CCDC88C: variants seen among roughly 807,000 people sequenced by gnomAD.
CCDC88C encodes coiled-coil and HOOK domain protein 88C, also known as protein Daple.
Under a neutral mutation model 198.8 loss-of-function variants are expected in CCDC88C, and 131 were observed. The observed-to-expected ratio is 0.66, with a 90% CI of 0.57 to 0.76. CCDC88C has a LOEUF of 0.76. Ranked by LOEUF, CCDC88C falls within the 30% of genes least tolerant of loss-of-function variation. CCDC88C has a pLI of 0.00. For synonymous variants in CCDC88C, 1,166 were observed against 1,114.7 expected (o/e 1.05, Z -0.92); for missense variants, 2,553 against 2,631.6 (o/e 0.97, Z 0.65).
intron 26 of CCDC88C, 95 bp from the exon 27 acceptor site, chr14:91,281,620 C>T (rs544230373): frequency 2.8e-6 from 3 of 1,057,932 alleles, no homozygotes. Context: ...ATCCCAGTAG[C>T]TCCAGCTCTT....
At chr14:91,308,210 C>T (rs1891644090) in intron 17 of CCDC88C, 141 bp downstream of exon 17, 2 of 947,638 alleles carry the variant, frequency 2.1e-6, no homozygotes, top group Non-Finnish European at 3.1e-6. Context: ...GAGGGTGGCT[C>T]CCTCAGTCAC....
intron 29 of CCDC88C, among the ~76,000 whole-genome samples, chr14:91,274,195 C>T (rs1596009863): frequency 2.1e-5 from 3 of 140,372 alleles, no homozygotes; most frequent in Non-Finnish European, 4.5e-5. Flanking sequence ...AAGAGAGAGG[C>T]AGAATGGGGA....
At chr14:91,306,686 G>T (rs937669790) in intron 18 of CCDC88C, among the ~76,000 whole-genome samples, 1 of 152,186 alleles carries the variant, frequency 6.6e-6, no homozygotes, top group African/African-American at 2.4e-5. Flanking sequence ...AGGGGAAGCA[G>T]CCCCAGACAA....
chr14:91,386,310 A>AC (rs56395951), intron 3 of CCDC88C, among the ~76,000 whole-genome samples: 2 of 149,680 alleles, frequency 1.3e-5, no homozygotes, highest in Non-Finnish European at 3.0e-5. Context: ...AAAAACAAAA[A>AC]CCTAGCTGGG....
chr14:91,357,869 A>G (rs1453914233), intron 4 of CCDC88C, among the ~76,000 whole-genome samples: 1 of 152,218 alleles, frequency 6.6e-6, no homozygotes, highest in African/African-American at 2.4e-5. Flanking sequence ...ACATGGCCCC[A>G]TGGCAGAGCT....
intron 3 of CCDC88C, among the ~76,000 whole-genome samples, chr14:91,404,663 T>C (rs1175384311): frequency 6.6e-6 from 1 of 152,190 alleles, no homozygotes; most frequent in South Asian, 2.1e-4. Flanking sequence ...TGGGAAATTT[T>C]TGAAAGTGCA....
At chr14:91,293,049 G>C (rs1480375094) in intron 23 of CCDC88C, among the ~76,000 whole-genome samples, 933 of 45,904 alleles carry the variant, frequency 0.02, 7 homozygotes, top group Middle Eastern at 0.061. Context: ...TGCCACGGCT[G>C]ACCTTCCTGT....
At chr14:91,353,515 T>C (rs377480590) in intron 4 of CCDC88C, among the ~76,000 whole-genome samples, 2 of 152,184 alleles carry the variant, frequency 1.3e-5, no homozygotes, top group East Asian at 1.9e-4. Context: ...TGGGCTGAGC[T>C]CCTTTTGTGA....
At chr14:91,310,033 G>C (rs779106067) in intron 15 of CCDC88C, 47 bp from the exon 16 acceptor site, 4 of 1,518,422 alleles carry the variant, frequency 2.6e-6, no homozygotes, top group African/African-American at 1.4e-5. Flanking sequence ...AGCAAAACAC[G>C]CAGGAAGGCC....
chr14:91,388,898 C>A (rs779366111), intron 3 of CCDC88C, among the ~76,000 whole-genome samples: 1 of 152,184 alleles, frequency 6.6e-6, no homozygotes, highest in African/African-American at 2.4e-5. Flanking sequence ...CCGCAGGGAA[C>A]CCTGAAGCAC....
At chr14:91,281,625 G>T in intron 26 of CCDC88C, 100 bp from the exon 27 acceptor site, 1 of 996,444 alleles carries the variant, frequency 1.0e-6, no homozygotes, top group Non-Finnish European at 1.6e-6. Context: ...AGTAGCTCCA[G>T]CTCTTGGGGA....
chr14:91,285,559 G>A (rs1890368505), intron 25 of CCDC88C: 1 of 1,006,420 alleles, frequency 9.9e-7, no homozygotes, highest in Non-Finnish European at 1.3e-6. Context: ...GGGGCAGGAG[G>A]AGGGGTCCGC....
intron 3 of CCDC88C, among the ~76,000 whole-genome samples, chr14:91,385,559 C>T (rs564104182): frequency 5.3e-5 from 8 of 152,224 alleles, no homozygotes; most frequent in Non-Finnish European, 1.2e-4. Flanking sequence ...GGAGAAGGGC[C>T]TCAGGTCACA....
intron 3 of CCDC88C, among the ~76,000 whole-genome samples, chr14:91,388,692 A>G (rs1885297830): frequency 6.6e-6 from 1 of 152,128 alleles, no homozygotes; most frequent in African/African-American, 2.4e-5. Context: ...GGATCGAAAC[A>G]CTCAAACACG....
intron 23 of CCDC88C, among the ~76,000 whole-genome samples, chr14:91,292,588 CAG>C (rs1023543108): frequency 1.3e-5 from 2 of 152,276 alleles, no homozygotes; most frequent in Non-Finnish European, 1.5e-5. Flanking sequence ...ATCGTTACAT[CAG>C]AGAGTTGGGA....
intron 13 of CCDC88C, among the ~76,000 whole-genome samples, chr14:91,320,423 G>A (rs559456605): frequency 5.3e-5 from 8 of 152,376 alleles, no homozygotes; most frequent in African/African-American, 1.7e-4. Context: ...ACAGGGTAGC[G>A]TGGCACCACT....
rs1302852383 is a variant in CCDC88C, at chr14:91,417,745, G to A, written c.-55C>T. 1.2e-5 allele frequency: 17 copies of A among 1,420,726 alleles called. No homozygotes were observed. Among genetic ancestry groups the A allele is most frequent in the Non-Finnish European group, 1.5e-5 (16 of 1,073,040 alleles). The allele number at this position is 1,420,726 out of a possible 1,614,324, so 88.0% of individuals were successfully genotyped here. On this transcript the variant is annotated 5_prime_UTR_variant, in exon 1 of 30. Coordinates refer to ENST00000389857, the MANE Select transcript of CCDC88C (RefSeq NM_001080414.4). ...CCCCGCCCCGCGTCCCCGTTCCCCC[G>A]CGCCGCGGCACAAAACGGCTCCGCA...
At position 91,275,378 on chromosome 14, in the gene CCDC88C, A is replaced by G. The variant is rs535947301; in HGVS notation, c.5059-1725T>C. Among the ~76,000 whole-genome samples the G allele has an allele frequency of 5.2e-4, 79 of 152,310 alleles. No individual in the cohort carries two copies. The South Asian group carries it at 0.016, about 31-fold the overall frequency. Reference sequence around the variant, plus strand: ...ATCTCCAAAGGGAAAGGAAAGCATCATAAGGGGCATATAACAAAAAAAGAC... The same window carrying G: ...ATCTCCAAAGGGAAAGGAAAGCATCGTAAGGGGCATATAACAAAAAAAGAC... On this transcript the variant is annotated intron_variant, in intron 29 of 29. Transcript: ENST00000389857.
chr14:91,328,505 C>T (rs115058462), intron 10 of CCDC88C, among the ~76,000 whole-genome samples: 88 of 152,286 alleles, frequency 5.8e-4, no homozygotes, highest in African/African-American at 2.1e-3. Context: ...TATTTAAAGG[C>T]CCGACCCAGC....
Sources: gnomAD v4.1 joint callset for allele counts (sites outside exome capture counted in the v4.1 genomes callset) on GRCh38, gnomAD v4.1.1 for gene constraint, MANE v1.5 for transcripts, NCBI Gene and HGNC (gene_info 2026-07-23, HGNC 2026-07-21) for gene names.